SLC4A7: variants seen among roughly 807,000 people sequenced by gnomAD.
SLC4A7 encodes the protein sodium bicarbonate cotransporter 3.
A neutral mutation model predicts 137.6 loss-of-function variants in SLC4A7; 51 were observed. The ratio of observed to expected loss-of-function variants is 0.37; its 90% CI spans 0.30 to 0.47. The LOEUF (loss-of-function observed/expected upper bound fraction) is 0.47, where lower values mean the gene tolerates loss of function less well. SLC4A7 is among the 20% of genes least tolerant of loss of function. The probability of loss-of-function intolerance (pLI) is 1.00; values close to 1 mark genes in which losing one functional copy is unlikely to be tolerated. For synonymous variants in SLC4A7, 542 were observed against 518.6 expected (o/e 1.05, Z -0.61); for missense variants, 1,247 against 1,525.4 (o/e 0.82, Z 3.04).
At chr3:27,439,911 T>C (rs2057055601) in intron 3 of SLC4A7, among the ~76,000 whole-genome samples, 1 of 152,214 alleles carries the variant, frequency 6.6e-6, no homozygotes. Context: ...CTGCTATTCT[T>C]AGTTTGCAGA....
rs2150170293 is a variant in SLC4A7 at position 27,404,979 on chromosome 3, AG to A, written c.1942-17del. The A allele has an allele frequency of 6.5e-7, 1 of 1,546,918 alleles. No homozygotes were observed. The highest frequency in any genetic ancestry group is 2.3e-5 in the East Asian group (1 of 43,736). On this transcript the variant is annotated splice_polypyrimidine_tract_variant and intron_variant, in intron 13 of 25. Transcript: ENST00000454389. ...CTATTGCACTCTGTTTAAGGAAAAA[AG>A]AAATGAATAAAAGCAATACATCATA...
chr3:27,449,353 AATAT>A (rs1455992163), intron 2 of SLC4A7, among the ~76,000 whole-genome samples: 1 of 148,356 alleles, frequency 6.7e-6, no homozygotes, highest in Admixed American at 6.7e-5. Context: ...TAATAAATAT[AATAT>A]ATAAATAACA....
In SLC4A7 at chr3:27,377,435, C is replaced by T. The variant is rs1261962864; in HGVS notation, c.3699-590G>A. On this transcript the variant is annotated intron_variant, in intron 25 of 25. Coordinates refer to ENST00000454389, the MANE Select transcript of SLC4A7 (RefSeq NM_001321103.2). The stretch of plus-strand genomic sequence containing the variant: ...GAGACAGAGTTTTGCTCTTGTTGCC[C>T]AGGCTGGAGTGCAATGGCACAATCT... Among the ~76,000 whole-genome samples, 4 of 151,988 alleles carry T rather than the reference C, an allele frequency of 2.6e-5. No individual in the cohort carries two copies. The East Asian group carries it at 7.7e-4, about 29-fold the overall frequency.
intron 11 of SLC4A7, among the ~76,000 whole-genome samples, chr3:27,415,151 G>T (rs1316931518): frequency 6.6e-6 from 1 of 152,204 alleles, no homozygotes; most frequent in Non-Finnish European, 1.5e-5. Context: ...GTGCTTGGGT[G>T]CAAGTAGACC....
At chr3:27,386,683 T>C (rs569712883) in intron 22 of SLC4A7, among the ~76,000 whole-genome samples, 24 of 152,186 alleles carry the variant, frequency 1.6e-4, no homozygotes, top group Non-Finnish European at 3.4e-4. Context: ...GATTTAACTG[T>C]TTTTTATACT....
At chr3:27,421,806 A>G (rs2055007358) in intron 8 of SLC4A7, 27 bp from the exon 9 acceptor site, 1 of 1,574,298 alleles carries the variant, frequency 6.4e-7, no homozygotes. Flanking sequence ...AATTAAAAAT[A>G]AAGTTTCCGT....
chr3:27,402,860 A>C (rs561956202), intron 15 of SLC4A7, among the ~76,000 whole-genome samples: 1 of 150,632 alleles, frequency 6.6e-6, no homozygotes, highest in Non-Finnish European at 1.5e-5. Flanking sequence ...GTTGCCAATC[A>C]AATTTAAACT....
chr3:27,473,979 T>G (rs2059362313), intron 1 of SLC4A7, among the ~76,000 whole-genome samples: 1 of 152,116 alleles, frequency 6.6e-6, no homozygotes, highest in Non-Finnish European at 1.5e-5. Context: ...ACTATGAATA[T>G]GAACCCTTTA....
At chr3:27,462,905 A>T (rs1030999185) in intron 1 of SLC4A7, 9 of 152,328 alleles carry the variant, frequency 5.9e-5, no homozygotes, top group African/African-American at 1.9e-4. Flanking sequence ...AGCAAAAAAG[A>T]AATGGCTGAT....
Position 27,373,429 on chromosome 3 carries a change from T to G in SLC4A7, c.*3335A>C, listed in dbSNP as rs894324182. ...TTGTTGGAATAAACCAAAAGACATT[T>G]CACATATTTGCACTGCATACGATAA... On this transcript the variant is annotated 3_prime_UTR_variant, in exon 26 of 26. Transcript: ENST00000454389. The G allele has an allele frequency of 4.6e-5, 7 of 152,176 alleles. No individual in the cohort carries two copies. The highest frequency in any genetic ancestry group is 2.1e-4 in the South Asian group (1 of 4,834). The allele number at this position is 152,176 out of a possible 1,614,324, so 9.4% of individuals were successfully genotyped here. A position where few individuals can be genotyped will look rare whatever the true frequency, so the allele number is the denominator to read the frequency against.
rs558744056 is a variant in SLC4A7, at chr3:27,440,425, C to G, written c.290-2899G>C. On this transcript the variant is annotated intron_variant, in intron 3 of 25. Transcript: ENST00000454389. ...ACCTGCATAATCTAGGATAATATTC[C>G]CACTCCAAAATTCTTAACCCAGCCA... 3.9e-5 allele frequency among the ~76,000 whole-genome samples: 6 copies of G among 152,034 alleles called. No individual in the cohort carries two copies. In the South Asian group the frequency reaches 1.0e-3, roughly 26 times the overall value.
chr3:27,466,084 C>G (rs1173631695), intron 1 of SLC4A7, among the ~76,000 whole-genome samples: 1 of 151,818 alleles, frequency 6.6e-6, no homozygotes, highest in Non-Finnish European at 1.5e-5. Flanking sequence ...GAACATAATA[C>G]AGGAATGTAA....
At chr3:27,407,566 T>C (rs894157541) in intron 13 of SLC4A7, among the ~76,000 whole-genome samples, 1 of 151,760 alleles carries the variant, frequency 6.6e-6, no homozygotes, top group Non-Finnish European at 1.5e-5. Context: ...TCAGAAGGCC[T>C]ACCTACCCTT....
At chr3:27,473,106 G>C (rs569347718) in intron 1 of SLC4A7, among the ~76,000 whole-genome samples, 16 of 151,278 alleles carry the variant, frequency 1.1e-4, no homozygotes, top group African/African-American at 3.6e-4. Context: ...ATTAGAATCA[G>C]CTTAAAAAAT....
At chr3:27,465,792 A>C (rs1447922044) in intron 1 of SLC4A7, among the ~76,000 whole-genome samples, 1 of 151,002 alleles carries the variant, frequency 6.6e-6, no homozygotes. Flanking sequence ...TTCTCTACTA[A>C]AAATACAAAA....
chr3:27,408,275 T>C (rs1038947091), intron 13 of SLC4A7, among the ~76,000 whole-genome samples: 46 of 152,178 alleles, frequency 3.0e-4, no homozygotes, highest in African/African-American at 1.0e-3. Context: ...AGGTAATGAA[T>C]GACAGTCCAC....
intron 6 of SLC4A7, among the ~76,000 whole-genome samples, chr3:27,432,518 G>C (rs1267542328): frequency 6.6e-6 from 1 of 152,104 alleles, no homozygotes; most frequent in African/African-American, 2.4e-5. Context: ...TTTGTACTAA[G>C]TGTATCTTAA....
Position 27,375,688 on chromosome 3 carries a change from T to C in SLC4A7, c.*1076A>G, listed in dbSNP as rs41295960. 0.22 allele frequency: 34,211 copies of C among 152,340 alleles called. 4,346 individuals are homozygous for C. Among genetic ancestry groups the C allele is most frequent in the Middle Eastern group, 0.37 (109 of 292 alleles). The allele number at this position is 152,340 out of a possible 1,614,324, so 9.4% of individuals were successfully genotyped here. ...TTTGTTACTTTTCCAAATGTTTATA[T>C]AATATTTAAGCATCATATCAAAATA... On this transcript the variant is annotated 3_prime_UTR_variant, in exon 26 of 26. Coordinates refer to ENST00000454389, the MANE Select transcript of SLC4A7 (RefSeq NM_001321103.2).
chr3:27,413,440 T>C (rs981799316), intron 11 of SLC4A7, among the ~76,000 whole-genome samples: 2 of 152,126 alleles, frequency 1.3e-5, no homozygotes, highest in African/African-American at 4.8e-5. Flanking sequence ...TGATGTGAAG[T>C]ATAAAATGTG....
Sources: gnomAD v4.1 joint callset for allele counts (sites outside exome capture counted in the v4.1 genomes callset) on GRCh38, gnomAD v4.1.1 for gene constraint, MANE v1.5 for transcripts, NCBI Gene and HGNC (gene_info 2026-07-23, HGNC 2026-07-21) for gene names.